Variants in AGAP1 observed in about 807,000 individuals in gnomAD.
The protein encoded by AGAP1 is arf-GAP with GTPase, ANK repeat and PH domain-containing protein 1.
AGAP1 carries 29 observed loss-of-function variants against 105.3 expected under a neutral mutation model. That is an observed-to-expected ratio of 0.28 (90% CI 0.21 to 0.38). AGAP1 has a LOEUF of 0.38. AGAP1 is among the 10% of genes least tolerant of loss of function. AGAP1 has a pLI of 1.00. For missense variants in AGAP1, 998 were observed against 1,165.1 expected, an observed-to-expected ratio of 0.86 and a Z score of 2.09; for synonymous variants, 509 against 485.9, an observed-to-expected ratio of 1.05 and a Z score of -0.63.
rs777131858 is a variant in AGAP1, at chr2:236,056,238, T to G, written c.2114+6957T>G. Reference sequence around the variant, plus strand: ...CAGACAGACAGAATGGTGCTCTCGGTTTATCATGCCGCCTGCCACACAGGA... The same window carrying G: ...CAGACAGACAGAATGGTGCTCTCGGGTTATCATGCCGCCTGCCACACAGGA... On this transcript the variant is annotated intron_variant, in intron 16 of 17. Coordinates refer to ENST00000304032, the MANE Select transcript of AGAP1 (RefSeq NM_001037131.3). This position sits in a 1 kb window ranked among gnomAD's most constrained non-coding sequence, Gnocchi z 4.6. Among the ~76,000 whole-genome samples the G allele has an allele frequency of 6.6e-6, 1 of 152,186 alleles. No homozygotes were observed. Among genetic ancestry groups the G allele is most frequent in the Non-Finnish European group, 1.5e-5 (1 of 68,026 alleles).
chr2:236,053,598 A>T lies in AGAP1; in HGVS notation c.2114+4317A>T, dbSNP rs3738988. On this transcript the variant is annotated intron_variant, in intron 16 of 17. Coordinates refer to ENST00000304032, the MANE Select transcript of AGAP1 (RefSeq NM_001037131.3). The surrounding 1 kb of genome is among the most constrained non-coding windows in gnomAD (Gnocchi z 4.6). ...CCTCTGGCGCCACATTCCTCTTGGC[A>T]GAAGCCTCGCTCTGCGTGGCACTGC... Among the ~76,000 whole-genome samples the T allele has an allele frequency of 0.057, 8,627 of 152,350 alleles. 259 individuals are homozygous for T. The highest frequency in any genetic ancestry group is 0.059 in the Non-Finnish European group (4,020 of 68,030).
chr2:236,049,380 A>G lies in AGAP1; in HGVS notation c.2114+99A>G, dbSNP rs902659848. On this transcript the variant is annotated intron_variant, in intron 16 of 17. Transcript: ENST00000304032. The stretch of plus-strand genomic sequence containing the variant: ...CAGCCACGGTTGGGAAGGCCCTGAT[A>G]ACCTGTAGGAATTCGGGAATTCCGA... The G allele has an allele frequency of 2.7e-6, 3 of 1,094,560 alleles. No individual in the cohort carries two copies. In the African/African-American group the frequency reaches 4.7e-5, roughly 17 times the overall value. 67.8% of individuals were successfully genotyped at this position (1,094,560 alleles called of 1,614,324 possible).
chr2:235,500,403 C>T (rs1309985685), intron 1 of AGAP1, among the ~76,000 whole-genome samples: 1 of 152,182 alleles, frequency 6.6e-6, no homozygotes, highest in Non-Finnish European at 1.5e-5. Context: ...GAATGTGCCT[C>T]TCTAAGAAGT....
chr2:235,759,231 T>C (rs561261847), intron 6 of AGAP1, among the ~76,000 whole-genome samples: 19 of 148,480 alleles, frequency 1.3e-4, no homozygotes, highest in East Asian at 1.2e-3. Flanking sequence ...TGCAGTGGTG[T>C]GATCTCAGCT....
chr2:235,798,241 C>T (rs1389034659), intron 7 of AGAP1, among the ~76,000 whole-genome samples: 6 of 152,134 alleles, frequency 3.9e-5, no homozygotes, highest in Admixed American at 1.3e-4. Flanking sequence ...TGGCCAATCT[C>T]GCTTTATACT....
At chr2:235,505,180 G>A (rs531290051) in intron 1 of AGAP1, among the ~76,000 whole-genome samples, 2 of 152,340 alleles carry the variant, frequency 1.3e-5, no homozygotes, top group South Asian at 2.1e-4. Context: ...TCATAGTTAC[G>A]TATTAGCATT....
At chr2:235,697,760 G>A (rs1010959448) in intron 1 of AGAP1, among the ~76,000 whole-genome samples, 1 of 152,146 alleles carries the variant, frequency 6.6e-6, no homozygotes, top group Non-Finnish European at 1.5e-5. Flanking sequence ...GACTGACTGA[G>A]TTTATAATTC....
In AGAP1 at chr2:235,601,580, T is replaced by C. The variant is rs904319171; in HGVS notation, c.163+106731T>C. ...AAACCATCAGATCTTGTGAGACTTA[T>C]TTTCTACCACAGAACAGAATAGGGG... On this transcript the variant is annotated intron_variant, in intron 1 of 17. Coordinates refer to ENST00000304032, the MANE Select transcript of AGAP1 (RefSeq NM_001037131.3). The surrounding 1 kb of genome is among the most constrained non-coding windows in gnomAD (Gnocchi z 4.4). 1.3e-5 allele frequency among the ~76,000 whole-genome samples: 2 copies of C among 152,106 alleles called. No individual in the cohort carries two copies. The highest frequency in any genetic ancestry group is 2.9e-5 in the Non-Finnish European group (2 of 68,028).
chr2:235,514,305 AC>A (rs1420159574), intron 1 of AGAP1, among the ~76,000 whole-genome samples: 1 of 152,276 alleles, frequency 6.6e-6, no homozygotes, highest in Non-Finnish European at 1.5e-5. Context: ...TAAATAGCTC[AC>A]TAGGGCTTTT....
chr2:235,795,673 A>C (rs1957212063), intron 6 of AGAP1, among the ~76,000 whole-genome samples: 1 of 152,200 alleles, frequency 6.6e-6, no homozygotes, highest in Admixed American at 6.5e-5. Context: ...TGAAAAAAAA[A>C]TAGTAGAGTT....
intron 6 of AGAP1, among the ~76,000 whole-genome samples, chr2:235,768,730 G>A (rs1233797553): frequency 2.6e-5 from 4 of 152,178 alleles, no homozygotes; most frequent in African/African-American, 7.2e-5. Context: ...AGGTGGGCAC[G>A]GCTTTGTAGA....
In AGAP1 at chr2:235,883,504, T is replaced by C; in HGVS notation, c.1155+55T>C. 5 of 1,450,530 alleles carry C rather than the reference T, an allele frequency of 3.4e-6. No individual in the cohort carries two copies. Among genetic ancestry groups the C allele is most frequent in the Non-Finnish European group, 4.8e-6 (5 of 1,043,354 alleles). The allele number at this position is 1,450,530 out of a possible 1,614,324, so 89.9% of individuals were successfully genotyped here. On this transcript the variant is annotated intron_variant, in intron 10 of 17. Coordinates refer to ENST00000304032, the MANE Select transcript of AGAP1 (RefSeq NM_001037131.3). This position sits in a 1 kb window ranked among gnomAD's most constrained non-coding sequence, Gnocchi z 4.5. ...AGCTGCAGACCTCAACTAAACACTG[T>C]GGGGAAGGGGAACCTACCAGCAGCC... is the stretch of plus-strand genomic sequence containing the variant.
At position 235,830,977 on chromosome 2, in the gene AGAP1, A is replaced by G. The variant is rs371984671; in HGVS notation, c.1050+23646A>G. Reference sequence around the variant, plus strand: ...TGCCGCCTCCTCACCTGTGTGTCGCAGGTGTAGGCGATACCTGGGAAGCCG... The same window carrying G: ...TGCCGCCTCCTCACCTGTGTGTCGCGGGTGTAGGCGATACCTGGGAAGCCG... On this transcript the variant is annotated intron_variant, in intron 9 of 17. Transcript: ENST00000304032. The surrounding 1 kb of genome is among the most constrained non-coding windows in gnomAD (Gnocchi z 5.5). 4.9e-4 allele frequency among the ~76,000 whole-genome samples: 75 copies of G among 152,198 alleles called. No homozygotes were observed. In the East Asian group the frequency reaches 8.9e-3, roughly 18 times the overall value.
In AGAP1 at chr2:235,977,030, T is replaced by TA. The variant is rs1360925234; in HGVS notation, c.1645+8408dup. On this transcript the variant is annotated intron_variant, in intron 13 of 17. Transcript: ENST00000304032. The surrounding 1 kb of genome is among the most constrained non-coding windows in gnomAD (Gnocchi z 5.2). Reference sequence around the variant, plus strand: ...CTACTCACAAGGTCCCTTTCTAAGATACAGAAATGTGACGGACCTCAACTC... The same window carrying TA: ...CTACTCACAAGGTCCCTTTCTAAGATAACAGAAATGTGACGGACCTCAACTC... 1.3e-5 allele frequency among the ~76,000 whole-genome samples: 2 copies of TA among 152,180 alleles called. No individual in the cohort carries two copies. The highest frequency in any genetic ancestry group is 4.8e-5 in the African/African-American group (2 of 41,446).
intron 6 of AGAP1, among the ~76,000 whole-genome samples, chr2:235,786,422 A>G (rs1293242439): frequency 6.6e-6 from 1 of 152,204 alleles, no homozygotes; most frequent in Non-Finnish European, 1.5e-5. Context: ...TCTTTAATTT[A>G]TGCTTTTTGC....
chr2:235,635,301 A>G lies in AGAP1; in HGVS notation c.164-73878A>G, dbSNP rs1353232571. 6.6e-6 allele frequency among the ~76,000 whole-genome samples: 1 copy of G among 152,142 alleles called. No homozygotes were observed. Among genetic ancestry groups the G allele is most frequent in the Non-Finnish European group, 1.5e-5 (1 of 68,036 alleles). On this transcript the variant is annotated intron_variant, in intron 1 of 17. Coordinates refer to ENST00000304032, the MANE Select transcript of AGAP1 (RefSeq NM_001037131.3). This position sits in a 1 kb window ranked among gnomAD's most constrained non-coding sequence, Gnocchi z 5.3. ...CCTATCCGAGGTGACTTAGCAGAGG[A>G]TGAAGCACTCCCGTGAGTGAGCTGC...
At chr2:235,658,035 GTGTCTGT>G (rs1339082381) in intron 1 of AGAP1, among the ~76,000 whole-genome samples, 1 of 152,176 alleles carries the variant, frequency 6.6e-6, no homozygotes, top group Non-Finnish European at 1.5e-5. Flanking sequence ...GGATAACTAG[GTGTCTGT>G]TGTTTAAACC....
chr2:236,072,498 G>C (rs912865968), intron 16 of AGAP1: 2 of 152,214 alleles, frequency 1.3e-5, no homozygotes, highest in Non-Finnish European at 2.9e-5. Flanking sequence ...GAGTACAGTG[G>C]TGTGATCATG....
At chr2:235,861,215 GT>G (rs757296749) in intron 9 of AGAP1, among the ~76,000 whole-genome samples, 41 of 152,178 alleles carry the variant, frequency 2.7e-4, no homozygotes, top group African/African-American at 8.0e-4. Flanking sequence ...CATTTGAGTA[GT>G]TTTTTTAAAT....
Sources: allele counts gnomAD v4.1 joint callset (sites outside exome capture counted in the v4.1 genomes callset), GRCh38; gene constraint gnomAD v4.1.1; non-coding constraint Gnocchi (gnomAD v3.1); transcripts MANE v1.5; gene names NCBI Gene and HGNC (gene_info 2026-07-23, HGNC 2026-07-21).